TMCO5A: variants seen among roughly 807,000 people sequenced by gnomAD.
TMCO5A encodes the protein transmembrane and coiled-coil domain-containing protein 5A.
Under a neutral mutation model 42.3 loss-of-function variants are expected in TMCO5A, and 34 were observed. The ratio of observed to expected loss-of-function variants is 0.80; its 90% CI spans 0.61 to 1.07. TMCO5A has a LOEUF of 1.07. TMCO5A is among the 50% of genes least tolerant of loss of function. The probability of loss-of-function intolerance (pLI) is 0.00; values close to 1 mark genes in which losing one functional copy is unlikely to be tolerated. For missense variants in TMCO5A, 357 were observed against 327.9 expected, an observed-to-expected ratio of 1.09 and a Z score of -0.69; for synonymous variants, 131 against 115.6, an observed-to-expected ratio of 1.13 and a Z score of -0.86.
the TMCO5A span, among the ~76,000 whole-genome samples, chr15:37,975,603 T>A: frequency 6.6e-6 from 1 of 151,264 alleles, no homozygotes; most frequent in African/African-American, 2.5e-5. Context: ...TTTTTCTCCA[T>A]CCCTTTACTT....
At chr15:37,953,344 C>G (rs1595602098), downstream of TMCO5A, among the ~76,000 whole-genome samples, 1 of 152,202 alleles carries the variant, frequency 6.6e-6, no homozygotes, top group East Asian at 1.9e-4. Context: ...GTTACACCAC[C>G]CAGAGCTCCA....
At chr15:37,979,671 C>T in the TMCO5A span, among the ~76,000 whole-genome samples, 5 of 152,024 alleles carry the variant, frequency 3.3e-5, no homozygotes, top group Admixed American at 2.6e-4. Flanking sequence ...GGCAGCTGTG[C>T]TCGGTGGAGG....
intron 8 of TMCO5A, 115 bp from the exon 9 acceptor site, chr15:37,942,076 G>A (rs957925550): frequency 1.2e-5 from 11 of 931,426 alleles, no homozygotes; most frequent in Non-Finnish European, 1.5e-5. Flanking sequence ...CAGAGAAAGT[G>A]GCAGTGGGAA....
At chr15:37,967,543 G>C (rs1890584565) in exon 12 of TMCO5A, 1 of 152,178 alleles carries the variant, frequency 6.6e-6, no homozygotes, top group African/African-American at 2.4e-5. Context: ...AGGAAGCATA[G>C]AGAGTAGAAG....
the TMCO5A span, among the ~76,000 whole-genome samples, chr15:38,014,368 G>A: frequency 1.3e-3 from 194 of 152,084 alleles, no homozygotes; most frequent in East Asian, 6.6e-3. Context: ...AGATACGATC[G>A]ATTACAAACA....
In TMCO5A at chr15:37,951,152, TG is replaced by T; in HGVS notation, c.788del (p.Gly263AlafsTer36). The part of the protein sequence containing the change: ...DLLVNVLPKV[L>X]GRSTLWKLRC... The stretch of plus-strand genomic sequence containing the variant: ...CTCGTCAATGTACTGCCCAAGGTAC[TG>T]GGCAGGAGCACCTTGTGGAAGCTCA... On this transcript the variant is annotated frameshift_variant, in exon 12 of 12. Transcript: ENST00000319669. LOFTEE classifies it high-confidence loss of function. 2 of 1,613,788 alleles carry T rather than the reference TG, an allele frequency of 1.2e-6. No individual in the cohort carries two copies. Among genetic ancestry groups the T allele is most frequent in the Non-Finnish European group, 8.5e-7 (1 of 1,179,904 alleles).
chr15:37,976,793 C>CTTTTTTTTTTTTTTTTTTTTTTTTTTGTT, the TMCO5A span, among the ~76,000 whole-genome samples: 1 of 116,850 alleles, frequency 8.6e-6, no homozygotes. Flanking sequence ...TTTCTTCTTT[C>CTTTTTTTTTTTTTTTTTTTTTTTTTTGTT]TTTTTTTTTT....
In TMCO5A at chr15:37,959,319, C is replaced by G. The variant is rs557929600; in HGVS notation, c.669-7306C>G. Among the ~76,000 whole-genome samples the G allele has an allele frequency of 3.9e-3, 589 of 151,880 alleles. 41 individuals are homozygous for G. The South Asian group carries it at 0.12, about 31-fold the overall frequency. The stretch of plus-strand genomic sequence containing the variant: ...CAATCCTATTCAAACTATTCCAAAA[C>G]ACAGGAGAGGAGGGAATACTTCCAA... On this transcript the variant is annotated intron_variant, in intron 11 of 11. Transcript: ENST00000559502.
At chr15:37,988,410 T>C in the TMCO5A span, among the ~76,000 whole-genome samples, 2 of 152,092 alleles carry the variant, frequency 1.3e-5, no homozygotes, top group Non-Finnish European at 2.9e-5. Context: ...AACATGGGCA[T>C]CCTTTCCTTG....
At chr15:37,949,676 G>A (rs80283403) in intron 11 of TMCO5A, among the ~76,000 whole-genome samples, 2,195 of 151,212 alleles carry the variant, frequency 0.015, 64 homozygotes, top group African/African-American at 0.051. Flanking sequence ...ATATACAAAA[G>A]GCAAGCCCAG....
the TMCO5A span, among the ~76,000 whole-genome samples, chr15:38,027,704 A>G: frequency 6.6e-6 from 1 of 152,170 alleles, no homozygotes; most frequent in East Asian, 1.9e-4. Context: ...AATTTTAATA[A>G]TCCCCATGGT....
chr15:37,958,962 C>G (rs10444814), intron 11 of TMCO5A, among the ~76,000 whole-genome samples: 1 of 152,128 alleles, frequency 6.6e-6, no homozygotes, highest in East Asian at 1.9e-4. Context: ...AGTTCATGTA[C>G]TTTGCAGGGC....
downstream of TMCO5A, among the ~76,000 whole-genome samples, chr15:37,969,448 C>T (rs1890631945): frequency 6.6e-6 from 1 of 152,160 alleles, no homozygotes. Flanking sequence ...ATACCAGTAA[C>T]TCTAAGATAT....
chr15:37,997,148 G>T, the TMCO5A span, among the ~76,000 whole-genome samples: 1 of 152,078 alleles, frequency 6.6e-6, no homozygotes. Context: ...GGAGAAAAAC[G>T]ACCTGGGAGA....
chr15:37,964,394 G>T (rs116708082), intron 11 of TMCO5A, among the ~76,000 whole-genome samples: 3,026 of 152,184 alleles, frequency 0.02, 104 homozygotes, highest in African/African-American at 0.069. Context: ...ACAGTATTTG[G>T]GGTGTCTTCC....
intron 6 of TMCO5A, 77 bp downstream of exon 6, chr15:37,938,306 C>A: frequency 8.0e-7 from 1 of 1,249,792 alleles, no homozygotes; most frequent in South Asian, 1.3e-5. Flanking sequence ...AAATCAATGT[C>A]AACGTTGTGA....
At chr15:37,997,774 G>C in the TMCO5A span, among the ~76,000 whole-genome samples, 9 of 152,152 alleles carry the variant, frequency 5.9e-5, no homozygotes, top group Admixed American at 5.9e-4. Context: ...TTAGCGTTTT[G>C]AGAAACTTCC....
chr15:38,026,111 G>T, the TMCO5A span, among the ~76,000 whole-genome samples: 67 of 152,180 alleles, frequency 4.4e-4, no homozygotes, highest in Non-Finnish European at 8.2e-4. Context: ...TTGCTGAAAA[G>T]ATACCCAAAA....
At chr15:37,940,284 C>T (rs1214678280) in intron 6 of TMCO5A, among the ~76,000 whole-genome samples, 2 of 152,168 alleles carry the variant, frequency 1.3e-5, no homozygotes, top group African/African-American at 2.4e-5. Flanking sequence ...CCCCTGTCTA[C>T]CTTATCCCAC....
Sources: allele counts gnomAD v4.1 joint callset (sites outside exome capture counted in the v4.1 genomes callset), GRCh38; gene constraint gnomAD v4.1.1; transcripts MANE v1.5; gene names NCBI Gene and HGNC (gene_info 2026-07-23, HGNC 2026-07-21).